Variants in PAX5 observed in about 807,000 individuals in gnomAD.
PAX5 encodes paired box protein Pax-5.
In PAX5, 9 loss-of-function variants were observed where a neutral mutation model predicts 43.7. The ratio of observed to expected loss-of-function variants is 0.21; its 90% CI spans 0.12 to 0.36. The LOEUF (loss-of-function observed/expected upper bound fraction) is 0.36, where lower values mean the gene tolerates loss of function less well. Ranked by LOEUF, PAX5 falls within the 10% of genes least tolerant of loss-of-function variation. The pLI is 1.00. For missense variants in PAX5, 383 were observed against 532.7 expected, an observed-to-expected ratio of 0.72 and a Z score of 2.77; for synonymous variants, 228 against 214.3, an observed-to-expected ratio of 1.06 and a Z score of -0.56.
intron 6 of PAX5, among the ~76,000 whole-genome samples, chr9:36,936,169 G>C (rs1831537962): frequency 1.3e-5 from 2 of 152,212 alleles, no homozygotes; most frequent in African/African-American, 2.4e-5. Context: ...ACAAGGCTTA[G>C]AGCACAAAGC....
At chr9:36,965,341 G>C (rs890812088) in intron 6 of PAX5, among the ~76,000 whole-genome samples, 1 of 152,214 alleles carries the variant, frequency 6.6e-6, no homozygotes, top group African/African-American at 2.4e-5. Context: ...CTTGCACAAA[G>C]TAAACACTCA....
intron 5 of PAX5, among the ~76,000 whole-genome samples, chr9:37,002,353 C>G (rs555405524): frequency 6.6e-6 from 1 of 152,210 alleles, no homozygotes; most frequent in African/African-American, 2.4e-5. Flanking sequence ...ACAGGGTCTT[C>G]TTAAAGGCCA....
chr9:37,026,554 C>T, intron 1 of PAX5: 1 of 1,336,426 alleles, frequency 7.5e-7, no homozygotes, highest in South Asian at 1.2e-5. Flanking sequence ...GCAAACGGGT[C>T]GTGCTTACAG....
intron 7 of PAX5, among the ~76,000 whole-genome samples, chr9:36,914,493 T>C (rs1829571685): frequency 6.6e-6 from 1 of 152,226 alleles, no homozygotes; most frequent in Non-Finnish European, 1.5e-5. Context: ...GACACCTTCA[T>C]TATGTCTTGC....
chr9:36,892,759 G>A (rs1355875822), intron 7 of PAX5, among the ~76,000 whole-genome samples: 2 of 152,322 alleles, frequency 1.3e-5, no homozygotes, highest in Non-Finnish European at 1.5e-5. Context: ...ATACTTGCCT[G>A]TGGTGGAATA....
At chr9:36,990,149 G>A (rs1423930134) in intron 5 of PAX5, among the ~76,000 whole-genome samples, 1 of 152,110 alleles carries the variant, frequency 6.6e-6, no homozygotes, top group East Asian at 1.9e-4. Context: ...ATAATAAAAG[G>A]CACTCTTTAT....
intron 5 of PAX5, among the ~76,000 whole-genome samples, chr9:36,976,476 G>A (rs553977785): frequency 4.6e-5 from 7 of 152,260 alleles, no homozygotes; most frequent in East Asian, 1.9e-4. Flanking sequence ...GTTGGCAAAC[G>A]CTTCTAGGAC....
intron 5 of PAX5, among the ~76,000 whole-genome samples, chr9:36,981,075 C>T (rs531016808): frequency 6.6e-6 from 1 of 152,070 alleles, no homozygotes; most frequent in African/African-American, 2.4e-5. Flanking sequence ...GCTGTTCCCT[C>T]TCTCCGGAAA....
chr9:36,971,224 A>C (rs918266579), intron 5 of PAX5, among the ~76,000 whole-genome samples: 6 of 152,234 alleles, frequency 3.9e-5, no homozygotes, highest in Admixed American at 2.6e-4. Flanking sequence ...ATCAACCAAG[A>C]TAAGTACTCT....
chr9:36,974,242 T>C (rs1008264825), intron 5 of PAX5, among the ~76,000 whole-genome samples: 1 of 152,140 alleles, frequency 6.6e-6, no homozygotes, highest in African/African-American at 2.4e-5. Context: ...TCTGGGGCTA[T>C]GTTAGCAAAA....
At chr9:36,863,194 C>G (rs79853847) in intron 8 of PAX5, among the ~76,000 whole-genome samples, 3 of 152,232 alleles carry the variant, frequency 2.0e-5, no homozygotes, top group Admixed American at 1.3e-4. Context: ...AGGAGAAAAA[C>G]GTAAGGATAA....
chr9:36,990,850 C>T (rs1449120197), intron 5 of PAX5, among the ~76,000 whole-genome samples: 1 of 152,260 alleles, frequency 6.6e-6, no homozygotes, highest in African/African-American at 2.4e-5. Flanking sequence ...TGGCTCACGC[C>T]TGTAATCCCA....
At chr9:36,924,530 G>C (rs1430337107) in intron 6 of PAX5, among the ~76,000 whole-genome samples, 2 of 151,890 alleles carry the variant, frequency 1.3e-5, no homozygotes, top group African/African-American at 4.8e-5. Flanking sequence ...GACCACCTTG[G>C]GAAACATGGT....
chr9:36,973,068 A>AGGAAT (rs1835062967), intron 5 of PAX5, among the ~76,000 whole-genome samples: 1 of 110,268 alleles, frequency 9.1e-6, no homozygotes, highest in Non-Finnish European at 1.8e-5. Context: ...AGGAAAGGAA[A>AGGAAT]GGAACGGAAC....
chr9:37,018,451 C>T (rs1439281962), intron 2 of PAX5, among the ~76,000 whole-genome samples: 2 of 151,776 alleles, frequency 1.3e-5, no homozygotes, highest in Non-Finnish European at 2.9e-5. Flanking sequence ...GACAGGGGTC[C>T]CTGTGTGCCC....
intron 1 of PAX5, chr9:37,026,483 A>C: frequency 7.7e-7 from 1 of 1,305,556 alleles, no homozygotes. Flanking sequence ...CGGCACCCCC[A>C]ACCCGGTCCC....
chr9:36,899,616 C>A (rs373196223), intron 7 of PAX5, among the ~76,000 whole-genome samples: 1 of 152,232 alleles, frequency 6.6e-6, no homozygotes, highest in East Asian at 1.9e-4. Flanking sequence ...AGCCCAGAAA[C>A]TACCCAAGGG....
chr9:37,022,800 G>A (rs1839967307), intron 1 of PAX5, among the ~76,000 whole-genome samples: 1 of 152,182 alleles, frequency 6.6e-6, no homozygotes, highest in Non-Finnish European at 1.5e-5. Context: ...CATAGGCTGA[G>A]ATAGTAATGC....
chr9:36,904,634 C>T (rs945605039), intron 7 of PAX5, among the ~76,000 whole-genome samples: 12 of 151,596 alleles, frequency 7.9e-5, no homozygotes, highest in African/African-American at 2.9e-4. Flanking sequence ...AGGCAGCAGA[C>T]TAGTAGAAGC....
Sources: allele counts gnomAD v4.1 joint callset (sites outside exome capture counted in the v4.1 genomes callset), GRCh38; gene constraint gnomAD v4.1.1; transcripts MANE v1.5; gene names NCBI Gene and HGNC (gene_info 2026-07-23, HGNC 2026-07-21).